Variants in MITF observed in about 807,000 individuals in gnomAD.
MITF encodes the protein microphthalmia-associated transcription factor.
In MITF, 17 loss-of-function variants were observed where a neutral mutation model predicts 60.5. The observed-to-expected ratio is 0.28, with a 90% CI of 0.19 to 0.42. The LOEUF (loss-of-function observed/expected upper bound fraction) is 0.42, where lower values mean the gene tolerates loss of function less well. Ranked by LOEUF, MITF falls within the 10% of genes least tolerant of loss-of-function variation. The pLI, the probability that MITF is intolerant of heterozygous loss-of-function variation, is 1.00. For synonymous variants in MITF, 260 were observed against 248.5 expected, an observed-to-expected ratio of 1.05 and a Z score of -0.43; for missense variants, 622 against 683.5, an observed-to-expected ratio of 0.91 and a Z score of 1.00.
intron 5 of MITF, among the ~76,000 whole-genome samples, chr3:69,944,583 A>G (rs566085932): frequency 6.6e-6 from 1 of 152,100 alleles, no homozygotes; most frequent in Non-Finnish European, 1.5e-5. Context: ...GCATTTTGCC[A>G]TTAGGGGAAA....
At chr3:69,771,936 T>C (rs911850639) in intron 1 of MITF, among the ~76,000 whole-genome samples, 5 of 152,210 alleles carry the variant, frequency 3.3e-5, no homozygotes, top group African/African-American at 1.2e-4. Context: ...ATGTGTGTGT[T>C]GGGCTATAAA....
At chr3:69,814,437 T>C (rs1178451896) in intron 1 of MITF, among the ~76,000 whole-genome samples, 1 of 152,140 alleles carries the variant, frequency 6.6e-6, no homozygotes, top group Admixed American at 6.6e-5. Flanking sequence ...CAAGCGATCC[T>C]CCTGCCTCAT....
intron 1 of MITF, among the ~76,000 whole-genome samples, chr3:69,849,306 A>G (rs2063787637): frequency 6.6e-6 from 1 of 152,186 alleles, no homozygotes. Flanking sequence ...CTATGAATGA[A>G]GCAGGATGGC....
intron 1 of MITF, among the ~76,000 whole-genome samples, chr3:69,747,035 C>T (rs553868597): frequency 6.6e-6 from 1 of 152,294 alleles, no homozygotes; most frequent in Non-Finnish European, 1.5e-5. Context: ...GAGTGTTCAC[C>T]TGAGACCCCT....
At chr3:69,927,241 C>T (rs184753477) in intron 2 of MITF, among the ~76,000 whole-genome samples, 1 of 152,142 alleles carries the variant, frequency 6.6e-6, no homozygotes, top group East Asian at 1.9e-4. Context: ...CTTTCCGTCT[C>T]ATTAAATATT....
intron 1 of MITF, among the ~76,000 whole-genome samples, chr3:69,806,455 T>C (rs2063010179): frequency 6.6e-6 from 1 of 152,128 alleles, no homozygotes. Context: ...AGAAAGGTTT[T>C]TTTTAACTTT....
chr3:69,844,624 G>A (rs994413239), intron 1 of MITF, among the ~76,000 whole-genome samples: 6 of 152,250 alleles, frequency 3.9e-5, no homozygotes, highest in African/African-American at 1.4e-4. Context: ...TGACAAATGG[G>A]ATCAAATTAA....
chr3:69,900,893 T>C (rs1400462882), intron 2 of MITF, among the ~76,000 whole-genome samples: 1 of 152,062 alleles, frequency 6.6e-6, no homozygotes, highest in Non-Finnish European at 1.5e-5. Context: ...ATCAGAAGAA[T>C]TTACCTGGAA....
At chr3:69,930,840 C>T (rs1416442241) in intron 2 of MITF, among the ~76,000 whole-genome samples, 1 of 152,250 alleles carries the variant, frequency 6.6e-6, no homozygotes, top group East Asian at 1.9e-4. Flanking sequence ...TACACATTAA[C>T]ATTTGCTCCC....
At chr3:69,780,012 AG>A in intron 1 of MITF, among the ~76,000 whole-genome samples, 1 of 152,300 alleles carries the variant, frequency 6.6e-6, no homozygotes, top group South Asian at 2.1e-4. Flanking sequence ...ATTGGGAAGA[AG>A]GGATATTTGG....
intron 1 of MITF, among the ~76,000 whole-genome samples, chr3:69,799,221 G>C (rs1162241834): frequency 6.6e-6 from 1 of 152,176 alleles, no homozygotes; most frequent in Non-Finnish European, 1.5e-5. Context: ...AATGCATAGT[G>C]AGAAGGCAGA....
chr3:69,917,540 A>G (rs1172555840), intron 2 of MITF, among the ~76,000 whole-genome samples: 3 of 152,008 alleles, frequency 2.0e-5, no homozygotes, highest in Non-Finnish European at 4.4e-5. Flanking sequence ...TCAGCATTAA[A>G]TCTCTCCTTA....
chr3:69,777,895 A>G (rs1163693843), intron 1 of MITF, among the ~76,000 whole-genome samples: 3 of 152,148 alleles, frequency 2.0e-5, no homozygotes, highest in African/African-American at 7.2e-5. Context: ...AGGCCAATAG[A>G]GAGGAATGGA....
rs149213123 is a variant in MITF at position 69,919,972 on chromosome 3, G to C, written c.355-17850G>C. Reference sequence around the variant, plus strand: ...ATATAAAACAAGAATAGTTATACCAGATATAGATCTTAGATATGATTATAT... The same window carrying C: ...ATATAAAACAAGAATAGTTATACCACATATAGATCTTAGATATGATTATAT... On this transcript the variant is annotated intron_variant, in intron 2 of 9. Coordinates refer to ENST00000352241, the MANE Select transcript of MITF (RefSeq NM_001354604.2). 1.9e-3 allele frequency among the ~76,000 whole-genome samples: 296 copies of C among 152,220 alleles called. 1 individual carries two copies. Among genetic ancestry groups the C allele is most frequent in the African/African-American group, 6.9e-3 (288 of 41,536 alleles).
rs704246 is a variant in MITF, at chr3:69,967,753, C to T, written c.*2505C>T. The T allele has an allele frequency of 0.29, 66,831 of 232,652 alleles. 9,803 individuals are homozygous for T. Among genetic ancestry groups the T allele is most frequent in the African/African-American group, 0.35 (15,797 of 45,330 alleles). 14.4% of individuals were successfully genotyped at this position (232,652 alleles called of 1,614,324 possible). On this transcript the variant is annotated 3_prime_UTR_variant, in exon 10 of 10. Coordinates refer to ENST00000352241, the MANE Select transcript of MITF (RefSeq NM_001354604.2). ...TGCCAAATAGAGTGTGGATTCATTT[C>T]AGGGGCTAGCTAAGCCAAGAGGCAG...
intron 1 of MITF, among the ~76,000 whole-genome samples, chr3:69,875,997 T>C (rs2064345570): frequency 6.6e-6 from 1 of 152,222 alleles, no homozygotes; most frequent in African/African-American, 2.4e-5. Context: ...TATATAACTA[T>C]AAAAATATAT....
Position 69,774,548 on chromosome 3 carries a change from T to C in MITF, c.104+34847T>C, listed in dbSNP as rs201413977. Among the ~76,000 whole-genome samples, 14 of 152,180 alleles carry C rather than the reference T, an allele frequency of 9.2e-5. No homozygotes were observed. The East Asian group carries it at 2.1e-3, about 23-fold the overall frequency. Reference sequence around the variant, plus strand: ...TGTTGGGAGTCACGTGGAGCCCTAGTCATTTTATCCACTGACGCAATGTAT... The same window carrying C: ...TGTTGGGAGTCACGTGGAGCCCTAGCCATTTTATCCACTGACGCAATGTAT... On this transcript the variant is annotated intron_variant, in intron 1 of 9. Coordinates refer to ENST00000352241, the MANE Select transcript of MITF (RefSeq NM_001354604.2).
chr3:69,913,876 T>C (rs2065275818), intron 2 of MITF, among the ~76,000 whole-genome samples: 1 of 152,208 alleles, frequency 6.6e-6, no homozygotes. Flanking sequence ...AGTCTAGATT[T>C]GATATAGTGC....
rs746011595 is a variant in MITF at position 69,941,300 on chromosome 3, T to C, written c.731T>C (p.Leu244Ser). 1 of 1,613,118 alleles carries C rather than the reference T, an allele frequency of 6.2e-7. No homozygotes were observed. Among genetic ancestry groups the C allele is most frequent in the South Asian group, 1.1e-5 (1 of 91,054 alleles). Residue 244 changes from leucine (L) to serine (S), a missense_variant, in exon 5 of 10, where the codon TTG (leucine) becomes TCG (serine). By Grantham distance (145) the Leu-to-Ser change is moderately radical. This residue lies in a region of MITF where 215 missense variants were observed against 224.8 expected (regional missense o/e 0.96). Coordinates refer to ENST00000352241, the MANE Select transcript of MITF (RefSeq NM_001354604.2). The part of the protein sequence containing the change: ...ESSYNEEILG[L>S]MDPALQMANT... The stretch of plus-strand genomic sequence containing the variant: ...AGTTATAATGAGGAAATCTTGGGCT[T>C]GATGGATCCTGCTTTGCAAATGGCA...
Sources: gnomAD v4.1 joint callset for allele counts (sites outside exome capture counted in the v4.1 genomes callset) on GRCh38, gnomAD v4.1.1 for gene constraint, gnomAD v4.1.1 regional missense constraint, MANE v1.5 for transcripts, NCBI Gene and HGNC (gene_info 2026-07-23, HGNC 2026-07-21) for gene names.